EPHA6: variants seen among roughly 807,000 people sequenced by gnomAD.
EPHA6 encodes the protein EPH receptor A6.
EPHA6 carries 50 observed loss-of-function variants against 112.0 expected under a neutral mutation model. That is an observed-to-expected ratio of 0.45 (90% confidence interval 0.36 to 0.56). EPHA6 has a LOEUF of 0.56. Ranked by LOEUF, EPHA6 falls within the 20% of genes least tolerant of loss-of-function variation. The pLI is 0.00. For synonymous variants in EPHA6, 529 were observed against 490.7 expected (o/e 1.08, Z -1.03); for missense variants, 1,280 against 1,417.4 (o/e 0.90, Z 1.56).
At chr3:97,109,721 TACTG>T (rs2047667261) in intron 3 of EPHA6, among the ~76,000 whole-genome samples, 1 of 152,132 alleles carries the variant, frequency 6.6e-6, no homozygotes, top group Non-Finnish European at 1.5e-5. Flanking sequence ...GCAGAATATT[TACTG>T]ACCAACGACA....
intron 2 of EPHA6, among the ~76,000 whole-genome samples, chr3:96,903,162 A>G (rs1233472806): frequency 2.0e-5 from 3 of 152,158 alleles, no homozygotes; most frequent in Non-Finnish European, 4.4e-5. Context: ...CCATCTGGGT[A>G]TCTGCAGAAG....
intron 3 of EPHA6, among the ~76,000 whole-genome samples, chr3:97,158,126 G>A (rs1419288388): frequency 6.6e-6 from 1 of 152,046 alleles, no homozygotes; most frequent in Non-Finnish European, 1.5e-5. Context: ...ATAAAGTCCT[G>A]GAATGATGTT....
At chr3:96,879,117 T>A (rs1311299632) in intron 2 of EPHA6, among the ~76,000 whole-genome samples, 1 of 152,084 alleles carries the variant, frequency 6.6e-6, no homozygotes, top group Non-Finnish European at 1.5e-5. Context: ...TTTCATTATT[T>A]CACTGAAAAT....
At chr3:97,586,392 G>C (rs1380504817) in intron 11 of EPHA6, among the ~76,000 whole-genome samples, 3 of 152,202 alleles carry the variant, frequency 2.0e-5, no homozygotes, top group East Asian at 3.9e-4. Context: ...TATTGTCATT[G>C]GTCTTCCTCA....
Position 97,747,475 on chromosome 3 carries a change from G to A in EPHA6, c.3181G>A (p.Gly1061Ser). 1 of 1,605,186 alleles carries A rather than the reference G, an allele frequency of 6.2e-7. No individual in the cohort carries two copies. Among genetic ancestry groups the A allele is most frequent in the South Asian group, 1.1e-5 (1 of 89,322 alleles). Residue 1061 changes from glycine to serine, a missense_variant, in exon 17 of 18, where the codon GGT becomes AGT. By Grantham distance (56) the Gly-to-Ser change is moderately conservative (BLOSUM62 0). This residue lies in a region of EPHA6 where 145 missense variants were observed against 153.3 expected (regional missense o/e 0.95). Transcript: ENST00000389672. Reference sequence around the variant, plus strand: ...GGAATATCCTTTGTTTGTCACAGTTGGTGACTGGCTAGATTCTATAAAGAT... The same window carrying A: ...GGAATATCCTTTGTTTGTCACAGTTAGTGACTGGCTAGATTCTATAAAGAT... The part of the protein sequence containing the change: ...VPEYPLFVTV[G>S]DWLDSIKMGQ...
intron 6 of EPHA6, among the ~76,000 whole-genome samples, chr3:97,421,325 C>T (rs774766535): frequency 1.1e-4 from 17 of 152,092 alleles, no homozygotes; most frequent in Non-Finnish European, 1.8e-4. Flanking sequence ...TAAGGTGTCT[C>T]GCTCTGCAAA....
intron 14 of EPHA6, among the ~76,000 whole-genome samples, chr3:97,692,109 A>C (rs1374228075): frequency 1.3e-5 from 2 of 152,156 alleles, no homozygotes; most frequent in East Asian, 3.8e-4. Context: ...TATAGATTTA[A>C]AGTTAGAGAA....
intron 3 of EPHA6, among the ~76,000 whole-genome samples, chr3:97,187,369 A>C (rs188454247): frequency 7.5e-4 from 114 of 152,146 alleles, no homozygotes; most frequent in Non-Finnish European, 1.4e-3. Flanking sequence ...CAGGAGTTCA[A>C]GACCAACCTG....
chr3:96,964,426 G>C (rs1374153058), intron 2 of EPHA6, among the ~76,000 whole-genome samples: 1 of 152,102 alleles, frequency 6.6e-6, no homozygotes, highest in East Asian at 1.9e-4. Context: ...TTTTGTTTGA[G>C]GGGGAAACTT....
intron 14 of EPHA6, among the ~76,000 whole-genome samples, chr3:97,641,919 G>T (rs370412886): frequency 6.6e-6 from 1 of 150,794 alleles, no homozygotes. Flanking sequence ...CAGGAAGCTC[G>T]AACTGGGTGG....
intron 4 of EPHA6, among the ~76,000 whole-genome samples, chr3:97,227,895 C>G (rs777506668): frequency 3.3e-5 from 5 of 152,142 alleles, no homozygotes; most frequent in Non-Finnish European, 7.3e-5. Context: ...GGTCTCTTAT[C>G]AGGAAGGAAG....
chr3:96,858,807 G>T (rs975409871), intron 1 of EPHA6, among the ~76,000 whole-genome samples: 2 of 152,054 alleles, frequency 1.3e-5, no homozygotes, highest in Non-Finnish European at 2.9e-5. Context: ...TGCTTCAGGG[G>T]TTGGGGCCAA....
chr3:97,301,045 TGATATTCTCA>T (rs2081071903), intron 5 of EPHA6, among the ~76,000 whole-genome samples: 1 of 152,084 alleles, frequency 6.6e-6, no homozygotes, highest in Admixed American at 6.6e-5. Flanking sequence ...GCCCAGCCTT[TGATATTCTCA>T]TTTTCAGCTT....
chr3:97,422,355 C>T (rs2088733199), intron 6 of EPHA6, among the ~76,000 whole-genome samples: 2 of 151,952 alleles, frequency 1.3e-5, no homozygotes, highest in African/African-American at 4.8e-5. Flanking sequence ...TAAGAAAATA[C>T]ACTCAACTTC....
rs1012076788 is a variant in EPHA6 at position 97,335,565 on chromosome 3, T to G, written c.1607-69585T>G. Among the ~76,000 whole-genome samples the G allele has an allele frequency of 9.2e-5, 14 of 152,156 alleles. 1 individual carries two copies. The highest frequency in any genetic ancestry group is 8.5e-4 in the Admixed American group (13 of 15,262). On this transcript the variant is annotated intron_variant, in intron 5 of 17. Coordinates refer to ENST00000389672, the MANE Select transcript of EPHA6 (RefSeq NM_001080448.3). ...ATTACCTGTTCCTTTATGGCACTAT[T>G]GGCTTTTTCGACCATGCACCTCAAA...
At chr3:97,123,399 T>G (rs1021280148) in intron 3 of EPHA6, among the ~76,000 whole-genome samples, 6 of 152,076 alleles carry the variant, frequency 3.9e-5, no homozygotes, top group Non-Finnish European at 8.8e-5. Context: ...GCAGTCCAGT[T>G]TGGGCTGTGT....
At chr3:97,381,862 T>A (rs2085757373) in intron 5 of EPHA6, among the ~76,000 whole-genome samples, 1 of 152,012 alleles carries the variant, frequency 6.6e-6, no homozygotes, top group Non-Finnish European at 1.5e-5. Context: ...CCATTCAGAG[T>A]CCAAAAGACT....
At chr3:96,855,454 T>C (rs2035636582) in intron 1 of EPHA6, among the ~76,000 whole-genome samples, 2 of 152,118 alleles carry the variant, frequency 1.3e-5, no homozygotes, top group Non-Finnish European at 2.9e-5. Context: ...GTTCACAATT[T>C]GTGTACTTGG....
At chr3:97,211,162 A>C (rs2077862790) in intron 3 of EPHA6, among the ~76,000 whole-genome samples, 1 of 152,204 alleles carries the variant, frequency 6.6e-6, no homozygotes. Flanking sequence ...AGTTTTGTGC[A>C]ATGAGTGTCT....
Sources: gnomAD v4.1 joint callset for allele counts (sites outside exome capture counted in the v4.1 genomes callset) on GRCh38, gnomAD v4.1.1 for gene constraint, gnomAD v4.1.1 regional missense constraint, MANE v1.5 for transcripts, NCBI Gene and HGNC (gene_info 2026-07-23, HGNC 2026-07-21) for gene names.